Variants in ZSWIM6 observed in about 807,000 individuals in gnomAD.
ZSWIM6 encodes zinc finger SWIM-type containing 6, also known as zinc finger SWIM domain-containing protein 6.
In ZSWIM6, 9 loss-of-function variants were observed where a neutral mutation model predicts 113.2. The ratio of observed to expected loss-of-function variants is 0.08; its 90% CI spans 0.05 to 0.14. ZSWIM6 has a LOEUF of 0.14. ZSWIM6 is among the 10% of genes least tolerant of loss of function. The probability of loss-of-function intolerance (pLI) is 1.00; values close to 1 mark genes in which losing one functional copy is unlikely to be tolerated. For synonymous variants in ZSWIM6, 611 were observed against 606.5 expected, an observed-to-expected ratio of 1.01 and a Z score of -0.11; for missense variants, 1,162 against 1,552.2, an observed-to-expected ratio of 0.75 and a Z score of 4.22.
In ZSWIM6 at chr5:61,374,040, T is replaced by A. The variant is rs1369792375; in HGVS notation, c.676+41092T>A. ...TTTTTGTTTCTATCTTGCCTTTTGC[T>A]TTCATCTACTTGATAAAAGATACTA... On this transcript the variant is annotated intron_variant, in intron 1 of 13. Transcript: ENST00000252744. Among the ~76,000 whole-genome samples, 4 of 152,264 alleles carry A rather than the reference T, an allele frequency of 2.6e-5. No individual in the cohort carries two copies. In the East Asian group the frequency reaches 7.7e-4, roughly 29 times the overall value.
intron 1 of ZSWIM6, among the ~76,000 whole-genome samples, chr5:61,358,539 T>C (rs1744968619): frequency 6.6e-6 from 1 of 152,232 alleles, no homozygotes; most frequent in Admixed American, 6.5e-5. Context: ...TATTTACGAA[T>C]ACAAATGAGT....
chr5:61,519,633 A>C (rs953691687), intron 4 of ZSWIM6, among the ~76,000 whole-genome samples: 1 of 152,082 alleles, frequency 6.6e-6, no homozygotes, highest in African/African-American at 2.4e-5. Flanking sequence ...TTGTGTTTTT[A>C]ATTGGCATTT....
chr5:61,483,458 G>C (rs991164830), intron 2 of ZSWIM6, among the ~76,000 whole-genome samples: 1 of 152,070 alleles, frequency 6.6e-6, no homozygotes, highest in East Asian at 1.9e-4. Context: ...AAACATAATT[G>C]ATGTATTTAT....
rs1749832306 is a variant in ZSWIM6 at position 61,544,479 on chromosome 5, G to A, written c.*162G>A. ...CAGACTAAATTGTCATGTTGTGAAA[G>A]TTTGTGTGTTTTTTATTTTTTCCCT... On this transcript the variant is annotated 3_prime_UTR_variant, in exon 14 of 14. Coordinates refer to ENST00000252744, the MANE Select transcript of ZSWIM6 (RefSeq NM_020928.2). 1 of 372,254 alleles carries A rather than the reference G, an allele frequency of 2.7e-6. No homozygotes were observed. Among genetic ancestry groups the A allele is most frequent in the African/African-American group, 2.1e-5 (1 of 47,856 alleles). 23.1% of individuals were successfully genotyped at this position (372,254 alleles called of 1,614,324 possible).
chr5:61,366,340 G>A (rs1166475193), intron 1 of ZSWIM6, among the ~76,000 whole-genome samples: 1 of 152,180 alleles, frequency 6.6e-6, no homozygotes, highest in African/African-American at 2.4e-5. Context: ...GATAGTGGCC[G>A]TGCCACGTTT....
rs1282747080 is a variant in ZSWIM6, at chr5:61,494,148, A to ATG, written c.1183-112_1183-111insTG. On this transcript the variant is annotated intron_variant, in intron 3 of 13. Coordinates refer to ENST00000252744, the MANE Select transcript of ZSWIM6 (RefSeq NM_020928.2). ...CACACACACACACACACACACACGGAGAGAGAGAGAGAGAAACAGAGAAAA... is the reference window on the plus strand; with the variant it reads ...CACACACACACACACACACACACGGATGGAGAGAGAGAGAGAAACAGAGAAAA... The ATG allele has an allele frequency of 5.7e-6, 4 of 703,108 alleles. 1 individual carries two copies. The highest frequency in any genetic ancestry group is 4.7e-5 in the South Asian group (2 of 42,304). 43.6% of individuals were successfully genotyped at this position (703,108 alleles called of 1,614,324 possible).
chr5:61,337,850 A>G (rs979148201), intron 1 of ZSWIM6, among the ~76,000 whole-genome samples: 1 of 152,150 alleles, frequency 6.6e-6, no homozygotes. Context: ...TTTTTACTTT[A>G]TACCTATTTT....
intron 1 of ZSWIM6, among the ~76,000 whole-genome samples, chr5:61,364,309 A>G (rs1745108111): frequency 6.6e-6 from 1 of 152,218 alleles, no homozygotes; most frequent in Non-Finnish European, 1.5e-5. Flanking sequence ...TTTTGCATAT[A>G]CATGCTTGAA....
intron 2 of ZSWIM6, among the ~76,000 whole-genome samples, chr5:61,483,571 A>G (rs1196334950): frequency 6.6e-6 from 1 of 152,146 alleles, no homozygotes; most frequent in Non-Finnish European, 1.5e-5. Flanking sequence ...GTCATATTTT[A>G]AAAATATATA....
At chr5:61,370,870 T>C (rs963455725) in intron 1 of ZSWIM6, among the ~76,000 whole-genome samples, 3 of 152,192 alleles carry the variant, frequency 2.0e-5, no homozygotes, top group African/African-American at 7.2e-5. Context: ...AGTTACCTGT[T>C]GTTTTAATGT....
Position 61,521,679 on chromosome 5 carries a change from T to C in ZSWIM6, c.1513+237T>C, listed in dbSNP as rs183933729. 4.6e-5 allele frequency among the ~76,000 whole-genome samples: 7 copies of C among 152,294 alleles called. No individual in the cohort carries two copies. The East Asian group carries it at 1.2e-3, about 25-fold the overall frequency. ...AGAATATGGATGGATATAATACTTA[T>C]TTTATATACTAGTATGTGTTAAAAT... On this transcript the variant is annotated intron_variant, in intron 5 of 13. Coordinates refer to ENST00000252744, the MANE Select transcript of ZSWIM6 (RefSeq NM_020928.2).
intron 1 of ZSWIM6, among the ~76,000 whole-genome samples, chr5:61,458,695 T>C (rs1381176253): frequency 6.6e-6 from 1 of 151,778 alleles, no homozygotes; most frequent in African/African-American, 2.4e-5. Context: ...CTGGACAACA[T>C]GGAGAAACCC....
intron 1 of ZSWIM6, among the ~76,000 whole-genome samples, chr5:61,464,061 A>G (rs908591595): frequency 1.3e-5 from 2 of 149,788 alleles, no homozygotes; most frequent in Admixed American, 1.3e-4. Context: ...GGTGCAATCT[A>G]GCTCACTGCA....
intron 4 of ZSWIM6, among the ~76,000 whole-genome samples, chr5:61,519,317 G>C (rs546307690): frequency 6.6e-6 from 1 of 152,002 alleles, no homozygotes. Context: ...CTGGTTTGGG[G>C]GTCCTTTTTC....
At chr5:61,502,670 C>T (rs529754908) in intron 4 of ZSWIM6, among the ~76,000 whole-genome samples, 2 of 152,218 alleles carry the variant, frequency 1.3e-5, no homozygotes, top group Non-Finnish European at 2.9e-5. Flanking sequence ...AGTCCGTGGC[C>T]TGTTAGGAAC....
chr5:61,469,703 C>G (rs973632578), intron 1 of ZSWIM6, among the ~76,000 whole-genome samples: 9 of 151,982 alleles, frequency 5.9e-5, no homozygotes, highest in African/African-American at 2.2e-4. Flanking sequence ...AGGCCTCCCC[C>G]CAACCTTTTT....
In ZSWIM6 at chr5:61,544,121, A is replaced by G. The variant is rs1375846022; in HGVS notation, c.3452A>G (p.Asn1151Ser). 3 of 1,551,842 alleles carry G rather than the reference A, an allele frequency of 1.9e-6. No individual in the cohort carries two copies. The highest frequency in any genetic ancestry group is 2.6e-6 in the Non-Finnish European group (3 of 1,147,024). ...LLDATIGAYINTTHSRLTHIS... is the reference protein window; with the variant it reads ...LLDATIGAYISTTHSRLTHIS... ...GATGCCACGATCGGGGCCTACATCAACACAACGCACTCACGGCTCACACAC... is the reference window on the plus strand; with the variant it reads ...GATGCCACGATCGGGGCCTACATCAGCACAACGCACTCACGGCTCACACAC... Residue 1151 changes from asparagine to serine, a missense_variant, in exon 14 of 14, where the codon AAC (asparagine) becomes AGC (serine). Asn to Ser is a conservative substitution (Grantham distance 46). This residue lies in a region of ZSWIM6 where 113 missense variants were observed against 213.8 expected (regional missense o/e 0.53). Transcript: ENST00000252744.
chr5:61,533,528 A>G (rs1392434793), intron 9 of ZSWIM6, among the ~76,000 whole-genome samples: 3 of 152,242 alleles, frequency 2.0e-5, no homozygotes, highest in Non-Finnish European at 4.4e-5. Context: ...GTAGTACACT[A>G]GAGTCCAGGA....
At chr5:61,525,685 G>A (rs1749254795) in intron 5 of ZSWIM6, 115 bp from the exon 6 acceptor site, 2 of 1,237,416 alleles carry the variant, frequency 1.6e-6, no homozygotes, top group Non-Finnish European at 1.1e-6. Flanking sequence ...TGCTTAGGGG[G>A]TGCAGGACAA....
Sources: allele counts gnomAD v4.1 joint callset (sites outside exome capture counted in the v4.1 genomes callset), GRCh38; gene constraint gnomAD v4.1.1; regional missense constraint gnomAD v4.1.1; transcripts MANE v1.5; gene names NCBI Gene and HGNC (gene_info 2026-07-23, HGNC 2026-07-21).